The following PKP1 variants were observed in gnomAD, a reference collection of about 807,000 sequenced individuals.
The protein encoded by PKP1 is plakophilin-1.
In PKP1, 27 loss-of-function variants were observed where a neutral mutation model predicts 76.4. The ratio of observed to expected loss-of-function variants is 0.35; its 90% CI spans 0.26 to 0.49. The LOEUF (loss-of-function observed/expected upper bound fraction) is 0.49, where lower values mean the gene tolerates loss of function less well. Among genes scored for constraint, PKP1 ranks in the 20% least tolerant of loss-of-function variants. The probability of loss-of-function intolerance (pLI) is 0.99; values close to 1 mark genes in which losing one functional copy is unlikely to be tolerated. For missense variants in PKP1, 964 were observed against 955.2 expected (o/e 1.01, Z -0.12); for synonymous variants, 404 against 384.2 (o/e 1.05, Z -0.60).
intron 3 of PKP1, 169 bp from the exon 4 acceptor site, chr1:201,316,384 G>A: frequency 1.5e-6 from 1 of 649,468 alleles, no homozygotes; most frequent in South Asian, 1.9e-5. Context: ...CTCTGGAGGA[G>A]AGGAGCTGTT....
chr1:201,294,739 G>T (rs1160733937), intron 2 of PKP1, among the ~76,000 whole-genome samples: 1 of 152,202 alleles, frequency 6.6e-6, no homozygotes, highest in South Asian at 2.1e-4. Flanking sequence ...GGTTATTTTA[G>T]ATCCTGTAAT....
chr1:201,297,978 T>C (rs1656122517), intron 2 of PKP1, among the ~76,000 whole-genome samples: 1 of 152,224 alleles, frequency 6.6e-6, no homozygotes, highest in Non-Finnish European at 1.5e-5. Flanking sequence ...TTAGAAATTA[T>C]TTGCTGTTTA....
intron 2 of PKP1, among the ~76,000 whole-genome samples, chr1:201,301,294 C>T (rs1274903790): frequency 1.3e-5 from 2 of 152,212 alleles, no homozygotes; most frequent in Non-Finnish European, 2.9e-5. Context: ...GAGCACCAAG[C>T]TTTGGCAGCC....
intron 13 of PKP1, among the ~76,000 whole-genome samples, chr1:201,329,462 A>T (rs531166831): frequency 6.6e-6 from 1 of 152,366 alleles, no homozygotes; most frequent in East Asian, 1.9e-4. Context: ...CTGGAGTGGG[A>T]TCCAGGAAAG....
At chr1:201,320,009 G>C in intron 6 of PKP1, 1 of 1,006,356 alleles carries the variant, frequency 9.9e-7, no homozygotes, top group Non-Finnish European at 1.6e-6. Context: ...CTCAGCCAGG[G>C]CCAGGCGGAA....
In PKP1 at chr1:201,322,995, C is replaced by T. The variant is rs748634927; in HGVS notation, c.1504-18C>T. 1 of 1,613,482 alleles carries T rather than the reference C, an allele frequency of 6.2e-7. No homozygotes were observed. The highest frequency in any genetic ancestry group is 2.2e-5 in the East Asian group (1 of 44,872). The stretch of plus-strand genomic sequence containing the variant: ...CAAGGCTCCCCATTGACCCCCCTGA[C>T]CGGCTCTTTATCCTCAGAACAACAA... On this transcript the variant is annotated intron_variant, in intron 8 of 13. Coordinates refer to ENST00000367324, the MANE Select transcript of PKP1 (RefSeq NM_001005337.3).
At chr1:201,285,740 C>T (rs955807611) in intron 1 of PKP1, among the ~76,000 whole-genome samples, 5 of 152,238 alleles carry the variant, frequency 3.3e-5, no homozygotes, top group African/African-American at 7.2e-5. Context: ...TCCTACCTAT[C>T]GGGATATTGG....
At chr1:201,318,926 G>T in intron 6 of PKP1, 131 bp downstream of exon 6, 1 of 805,410 alleles carries the variant, frequency 1.2e-6, no homozygotes, top group Non-Finnish European at 2.1e-6. Flanking sequence ...TTATGGGCAG[G>T]CTCCAAGACA....
At chr1:201,328,962 A>T (rs1657231241) in intron 13 of PKP1, 94 bp downstream of exon 13, 3 of 818,440 alleles carry the variant, frequency 3.7e-6, no homozygotes, top group Admixed American at 3.5e-5. Context: ...GCTCCCAGGG[A>T]CACAGAAGCA....
At chr1:201,292,695 T>C (rs1319890056) in intron 1 of PKP1, among the ~76,000 whole-genome samples, 1 of 152,124 alleles carries the variant, frequency 6.6e-6, no homozygotes, top group Admixed American at 6.5e-5. Flanking sequence ...ACTGCCCAAC[T>C]CTCTTCCCCA....
At chr1:201,306,703 C>T (rs1656377346) in intron 2 of PKP1, among the ~76,000 whole-genome samples, 1 of 151,482 alleles carries the variant, frequency 6.6e-6, no homozygotes, top group South Asian at 2.1e-4. Flanking sequence ...GAGACGGAGT[C>T]TCGCTCTCTC....
At chr1:201,304,676 G>C (rs981387854) in intron 2 of PKP1, among the ~76,000 whole-genome samples, 7 of 152,230 alleles carry the variant, frequency 4.6e-5, no homozygotes, top group Non-Finnish European at 8.8e-5. Context: ...GCCAGCAACT[G>C]GCCAGAGATG....
Position 201,322,060 on chromosome 1 carries a change from AGTATAAC to A in PKP1, c.1432_1438del (p.Tyr478ProfsTer21). The A allele has an allele frequency of 1.2e-6, 2 of 1,613,810 alleles. No homozygotes were observed. Among genetic ancestry groups the A allele is most frequent in the Non-Finnish European group, 1.7e-6 (2 of 1,179,992 alleles). The stretch of plus-strand genomic sequence containing the variant: ...GTGCCCACCCGCTACCGCCAGCTGG[AGTATAAC>A]GCCCGCAACGCCTACACCGAGAAGT... On this transcript the variant is annotated frameshift_variant, in exon 8 of 14. Transcript: ENST00000367324. LOFTEE classifies it high-confidence loss of function.
chr1:201,311,428 G>A (rs1432181717), intron 2 of PKP1, among the ~76,000 whole-genome samples: 2 of 152,214 alleles, frequency 1.3e-5, no homozygotes, highest in Non-Finnish European at 2.9e-5. Flanking sequence ...GCACAGCTGG[G>A]CGTGTGGGTG....
chr1:201,292,062 C>T (rs555355824), intron 1 of PKP1, among the ~76,000 whole-genome samples: 5 of 152,294 alleles, frequency 3.3e-5, no homozygotes, highest in African/African-American at 1.2e-4. Flanking sequence ...TGCTCATAGG[C>T]GGATGGCCCT....
At chr1:201,302,769 A>T (rs1656271960) in intron 2 of PKP1, among the ~76,000 whole-genome samples, 1 of 151,672 alleles carries the variant, frequency 6.6e-6, no homozygotes, top group South Asian at 2.1e-4. Flanking sequence ...CCGCCCCCAC[A>T]GCGTGCCCAA....
At chr1:201,316,137 C>CGGACGGACGGACGGACGGACGGAT (rs1558191647) in intron 3 of PKP1, 2 of 15,866 alleles carry the variant, frequency 1.3e-4, no homozygotes, top group African/African-American at 4.5e-4. Flanking sequence ...GACGGACGGA[C>CGGACGGACGGACGGACGGACGGAT]GGATGGACGG....
intron 9 of PKP1, 52 bp downstream of exon 9, chr1:201,323,241 G>A (rs555799440): frequency 7.8e-5 from 121 of 1,549,616 alleles, no homozygotes; most frequent in South Asian, 7.5e-4. Flanking sequence ...TCCAGCCACC[G>A]TCCAGCCTCT....
chr1:201,326,171 C>T (rs1190833874), intron 12 of PKP1, among the ~76,000 whole-genome samples: 3 of 152,176 alleles, frequency 2.0e-5, no homozygotes, highest in African/African-American at 7.2e-5. Flanking sequence ...GGGTTCACTC[C>T]AGCTAGAAAA....
Sources: gnomAD v4.1 joint callset for allele counts (sites outside exome capture counted in the v4.1 genomes callset) on GRCh38, gnomAD v4.1.1 for gene constraint, MANE v1.5 for transcripts, NCBI Gene and HGNC (gene_info 2026-07-23, HGNC 2026-07-21) for gene names.